SMC6: variants seen among roughly 807,000 people sequenced by gnomAD.
The protein encoded by SMC6 is structural maintenance of chromosomes 6.
In SMC6, 79 loss-of-function variants were observed where a neutral mutation model predicts 142.2. That is an observed-to-expected ratio of 0.56 (90% CI 0.46 to 0.67). SMC6 has a LOEUF of 0.67. Among genes scored for constraint, SMC6 ranks in the 30% least tolerant of loss-of-function variants. The pLI is 0.00. For synonymous variants in SMC6, 411 were observed against 412.4 expected (o/e 1.00, Z 0.04); for missense variants, 1,072 against 1,284.0 (o/e 0.83, Z 2.52).
rs1252163445 is a variant in SMC6 at position 17,666,401 on chromosome 2, G to T, written c.3161+19C>A. The T allele has an allele frequency of 6.3e-7, 1 of 1,577,278 alleles. No homozygotes were observed. The highest frequency in any genetic ancestry group is 1.1e-5 in the South Asian group (1 of 89,160). On this transcript the variant is annotated intron_variant, in intron 27 of 27. Transcript: ENST00000448223. The stretch of plus-strand genomic sequence containing the variant: ...CTTTTATATACTTGATATGTATCTA[G>T]AAAGTTTTAAAAAGTTACCTCATGC...
chr2:17,687,591 A>AT (rs1479671545), intron 23 of SMC6, among the ~76,000 whole-genome samples: 5 of 152,214 alleles, frequency 3.3e-5, no homozygotes, highest in African/African-American at 4.8e-5. Flanking sequence ...AACAAATAAA[A>AT]AACATGAAAG....
At chr2:17,737,920 A>T (rs74841342) in intron 5 of SMC6, among the ~76,000 whole-genome samples, 1,797 of 152,296 alleles carry the variant, frequency 0.012, 18 homozygotes, top group Non-Finnish European at 0.018. Context: ...CAAGGTTTAT[A>T]AACACTTGTT....
At chr2:17,676,322 T>C (rs558774266) in intron 25 of SMC6, among the ~76,000 whole-genome samples, 1 of 152,296 alleles carries the variant, frequency 6.6e-6, no homozygotes, top group Admixed American at 6.5e-5. Flanking sequence ...GTCTGCTTTC[T>C]CTTGTAATTA....
chr2:17,708,844 A>AAGAG, intron 16 of SMC6, 91 bp from the exon 17 acceptor site: 1 of 315,018 alleles, frequency 3.2e-6, no homozygotes, highest in Non-Finnish European at 5.5e-6. Context: ...ATAAGAGTAT[A>AAGAG]TATATTTCCA....
chr2:17,688,901 C>A (rs1214023416), intron 23 of SMC6, among the ~76,000 whole-genome samples: 1 of 152,058 alleles, frequency 6.6e-6, no homozygotes, highest in Non-Finnish European at 1.5e-5. Flanking sequence ...ATGAAGGATG[C>A]AACAGAATTG....
intron 18 of SMC6, among the ~76,000 whole-genome samples, chr2:17,705,614 G>C (rs975475842): frequency 1.3e-5 from 2 of 152,218 alleles, no homozygotes; most frequent in African/African-American, 2.4e-5. Context: ...GGAAACTACA[G>C]CCTAAGCCAA....
chr2:17,718,035 C>G, intron 12 of SMC6, 42 bp downstream of exon 12: 1 of 1,564,924 alleles, frequency 6.4e-7, no homozygotes, highest in East Asian at 2.3e-5. Context: ...TTTATATTTG[C>G]TGTGTGGCTT....
At chr2:17,752,174 T>C (rs1440276937) in intron 2 of SMC6, among the ~76,000 whole-genome samples, 1 of 152,152 alleles carries the variant, frequency 6.6e-6, no homozygotes, top group East Asian at 1.9e-4. Flanking sequence ...TGACAGCCCC[T>C]CTCTCTCACT....
chr2:17,717,044 T>A, intron 13 of SMC6, 44 bp downstream of exon 13: 1 of 1,574,776 alleles, frequency 6.4e-7, no homozygotes, highest in East Asian at 2.2e-5. Context: ...CTTACTTTAT[T>A]ACAAAATGGG....
intron 16 of SMC6, among the ~76,000 whole-genome samples, chr2:17,709,651 G>A (rs1349085768): frequency 6.6e-6 from 1 of 152,070 alleles, no homozygotes; most frequent in Non-Finnish European, 1.5e-5. Context: ...AGGATAAAGG[G>A]AGCAGTATAC....
rs760092170 is a variant in SMC6 at position 17,741,605 on chromosome 2, CACTT to C, written c.238+3_238+6del. 3.2e-6 allele frequency: 5 copies of C among 1,575,328 alleles called. No individual in the cohort carries two copies. The highest frequency in any genetic ancestry group is 1.8e-5 in the Admixed American group (1 of 56,878). ...CAAAGTCAAACGAGAAGGGAAAAAA[CACTT>C]ACTTCCATTGTTGCCAACAACAAAG... On this transcript the variant is annotated splice_donor_5th_base_variant and intron_variant, in intron 4 of 27. Coordinates refer to ENST00000448223, the MANE Select transcript of SMC6 (RefSeq NM_001142286.2).
In SMC6 at chr2:17,666,537, G is replaced by C; in HGVS notation, c.3064-20C>G. 1.9e-6 allele frequency: 3 copies of C among 1,562,012 alleles called. No homozygotes were observed. The highest frequency in any genetic ancestry group is 2.6e-6 in the Non-Finnish European group (3 of 1,133,660). ...CATATCCTGAAAAACAAAGGCAAAA[G>C]TTAGGATTGCTATTGTGTAAGTCAC... On this transcript the variant is annotated intron_variant, in intron 26 of 27. Coordinates refer to ENST00000448223, the MANE Select transcript of SMC6 (RefSeq NM_001142286.2).
intron 21 of SMC6, among the ~76,000 whole-genome samples, chr2:17,698,625 G>A (rs989127965): frequency 1.3e-5 from 2 of 152,002 alleles, no homozygotes; most frequent in Admixed American, 6.6e-5. Flanking sequence ...TATTTGAAGT[G>A]AGCTATTTAT....
intron 21 of SMC6, among the ~76,000 whole-genome samples, chr2:17,696,774 G>A (rs557641841): frequency 2.0e-5 from 3 of 152,116 alleles, no homozygotes; most frequent in African/African-American, 7.2e-5. Flanking sequence ...TAAAAAGGGT[G>A]GGTTCGGGAA....
intron 5 of SMC6, among the ~76,000 whole-genome samples, chr2:17,737,269 G>C (rs1244630954): frequency 2.0e-5 from 3 of 152,130 alleles, no homozygotes; most frequent in Non-Finnish European, 2.9e-5. Flanking sequence ...CTATTCTTTA[G>C]TAATAAAATA....
At chr2:17,736,567 A>G (rs1443140824) in intron 5 of SMC6, among the ~76,000 whole-genome samples, 2 of 152,270 alleles carry the variant, frequency 1.3e-5, no homozygotes, top group East Asian at 3.9e-4. Flanking sequence ...CAGCTAAGAA[A>G]TGGATAGTTA....
intron 27 of SMC6, among the ~76,000 whole-genome samples, chr2:17,665,968 G>A (rs1385759925): frequency 6.6e-6 from 1 of 152,166 alleles, no homozygotes; most frequent in Admixed American, 6.5e-5. Flanking sequence ...CCACTTTAGA[G>A]ACAGAATATT....
chr2:17,737,510 T>G lies in SMC6; in HGVS notation c.344+711A>C, dbSNP rs138037942. Among the ~76,000 whole-genome samples, 132 of 152,280 alleles carry G rather than the reference T, an allele frequency of 8.7e-4. 1 individual carries two copies. In the East Asian group the frequency reaches 0.025, roughly 28 times the overall value. ...GGCAGTATGGAAAAGAATGAAGAGATAAGCCTGAAGACAGAACAGCTAGTG... is the reference window on the plus strand; with the variant it reads ...GGCAGTATGGAAAAGAATGAAGAGAGAAGCCTGAAGACAGAACAGCTAGTG... On this transcript the variant is annotated intron_variant, in intron 5 of 27. Transcript: ENST00000448223.
chr2:17,696,812 C>T (rs1421069471), intron 21 of SMC6, among the ~76,000 whole-genome samples: 1 of 152,068 alleles, frequency 6.6e-6, no homozygotes, highest in Non-Finnish European at 1.5e-5. Context: ...AAATTTAACG[C>T]TGATTTATTT....
Sources: allele counts gnomAD v4.1 joint callset (sites outside exome capture counted in the v4.1 genomes callset), GRCh38; gene constraint gnomAD v4.1.1; transcripts MANE v1.5; gene names NCBI Gene and HGNC (gene_info 2026-07-23, HGNC 2026-07-21).